EDARADD: variants seen among roughly 807,000 people sequenced by gnomAD.
EDARADD encodes EDAR associated via death domain.
EDARADD carries 20 observed loss-of-function variants against 25.6 expected under a neutral mutation model. The ratio of observed to expected loss-of-function variants is 0.78; its 90% CI spans 0.55 to 1.14. The LOEUF (loss-of-function observed/expected upper bound fraction) is 1.14, where lower values mean the gene tolerates loss of function less well. Among genes scored for constraint, EDARADD ranks in the 50% most tolerant of loss-of-function variants. EDARADD has a pLI of 0.00. For synonymous variants in EDARADD, 86 were observed against 94.4 expected (o/e 0.91, Z 0.52); for missense variants, 225 against 270.1 (o/e 0.83, Z 1.17).
chr1:236,396,247 G>A (rs1667513716), intron 1 of EDARADD, among the ~76,000 whole-genome samples: 1 of 152,106 alleles, frequency 6.6e-6, no homozygotes, highest in Non-Finnish European at 1.5e-5. Flanking sequence ...TTAAAATATT[G>A]TGTGTTGGTA....
At chr1:236,473,709 C>T (rs1190579532) in intron 5 of EDARADD, among the ~76,000 whole-genome samples, 2 of 152,116 alleles carry the variant, frequency 1.3e-5, no homozygotes, top group Non-Finnish European at 2.9e-5. Flanking sequence ...TGTTTGAACC[C>T]GGGAGGTGGA....
At chr1:236,457,536 A>G (rs1368067079) in intron 4 of EDARADD, among the ~76,000 whole-genome samples, 1 of 148,942 alleles carries the variant, frequency 6.7e-6, no homozygotes, top group African/African-American at 2.5e-5. Context: ...TAAAATAAAA[A>G]AAGGCCAGGC....
At position 236,478,135 on chromosome 1, in the gene EDARADD, G is replaced by A. The variant is rs77516897; in HGVS notation, c.266-4132G>A. On this transcript the variant is annotated intron_variant, in intron 5 of 5. Coordinates refer to ENST00000334232, the MANE Select transcript of EDARADD (RefSeq NM_145861.4). ...AAGAAAAGGAAAGAAAAAAAAATCC[G>A]TACTGTAAACTGGTAAAGGCTTTCT... Among the ~76,000 whole-genome samples, 85 of 151,954 alleles carry A rather than the reference G, an allele frequency of 5.6e-4. No homozygotes were observed. The East Asian group carries it at 0.014, about 24-fold the overall frequency.
rs141564970 is a variant in EDARADD, at chr1:236,477,831, G to A, written c.266-4436G>A. On this transcript the variant is annotated intron_variant, in intron 5 of 5. Coordinates refer to ENST00000334232, the MANE Select transcript of EDARADD (RefSeq NM_145861.4). ...TGACAAAGGTGAAATGACCGGGCGCGGTGGCTCACACCTGTAATCTCAGCA... is the reference window on the plus strand; with the variant it reads ...TGACAAAGGTGAAATGACCGGGCGCAGTGGCTCACACCTGTAATCTCAGCA... 1.7e-4 allele frequency among the ~76,000 whole-genome samples: 26 copies of A among 152,258 alleles called. No homozygotes were observed. In the East Asian group the frequency reaches 4.6e-3, roughly 27 times the overall value.
chr1:236,388,007 A>AT lies in EDARADD; in HGVS notation c.-5-21207dup, dbSNP rs1217035767. 2.1e-5 allele frequency among the ~76,000 whole-genome samples: 3 copies of AT among 140,926 alleles called. 1 individual carries two copies. The highest frequency in any genetic ancestry group is 3.1e-5 in the Non-Finnish European group (2 of 65,076). The allele number at this position is 140,926 out of a possible 152,430, so 92.5% of individuals were successfully genotyped here. A position where few individuals can be genotyped will look rare whatever the true frequency, so the allele number is the denominator to read the frequency against. ...CCAAGAATTATCAATAAAAAAATAA[A>AT]TTAAAAAAAAAAATAATAATAATAA... On this transcript the variant is annotated intron_variant, in intron 3 of 7. Coordinates refer to the EDARADD transcript ENST00000439430.
intron 4 of EDARADD, among the ~76,000 whole-genome samples, chr1:236,431,289 A>G (rs972276612): frequency 2.6e-5 from 4 of 152,106 alleles, no homozygotes; most frequent in Admixed American, 6.6e-5. Flanking sequence ...ATAGTGTCCT[A>G]GTGTCAAAAA....
At chr1:236,455,769 C>T (rs775769049) in intron 4 of EDARADD, among the ~76,000 whole-genome samples, 14 of 151,668 alleles carry the variant, frequency 9.2e-5, no homozygotes, top group Middle Eastern at 6.8e-3. Context: ...CTCAAGGGGT[C>T]GGTTGCACTG....
chr1:236,417,185 G>A (rs926092742), intron 3 of EDARADD, among the ~76,000 whole-genome samples: 43 of 152,248 alleles, frequency 2.8e-4, no homozygotes, highest in Non-Finnish European at 3.8e-4. Context: ...GTGAATTAAC[G>A]AAGAGACTGA....
intron 4 of EDARADD, among the ~76,000 whole-genome samples, chr1:236,434,843 C>T (rs1336433212): frequency 6.6e-6 from 1 of 152,102 alleles, no homozygotes; most frequent in Non-Finnish European, 1.5e-5. Context: ...ATCTGGGATC[C>T]TAAGGGGACT....
chr1:236,405,725 TTTTCTTTCTTTCTTTCTTTCTTTCTTTC>T (rs1227603633), intron 1 of EDARADD, among the ~76,000 whole-genome samples: 16 of 120,436 alleles, frequency 1.3e-4, no homozygotes, highest in African/African-American at 4.1e-4. Context: ...CTTCCTTTCT[TTTTCTTTCTTTCTTTCTTTCTTTCTTTC>T]TTTCTTTCTT....
At chr1:236,414,699 C>T (rs561109768) in intron 3 of EDARADD, among the ~76,000 whole-genome samples, 6 of 152,020 alleles carry the variant, frequency 3.9e-5, no homozygotes, top group African/African-American at 9.6e-5. Flanking sequence ...TTTGGGAGGC[C>T]GAGGCAGGTG....
rs555563983 is a variant in EDARADD at position 236,465,503 on chromosome 1, G to A, written c.220-2728G>A. ...TCCCCACTGCCCAGATTTCAGCAGG[G>A]TCCATCTCAAACATGTCTGTCTCCA... On this transcript the variant is annotated intron_variant, in intron 4 of 5. Coordinates refer to ENST00000334232, the MANE Select transcript of EDARADD (RefSeq NM_145861.4). Among the ~76,000 whole-genome samples the A allele has an allele frequency of 1.6e-4, 25 of 152,160 alleles. No individual in the cohort carries two copies. In the Middle Eastern group the frequency reaches 0.01, roughly 62 times the overall value.
intron 3 of EDARADD, among the ~76,000 whole-genome samples, chr1:236,383,173 T>G (rs1338341923): frequency 2.0e-5 from 3 of 152,020 alleles, no homozygotes; most frequent in Non-Finnish European, 2.9e-5. Context: ...GATGGACATA[T>G]CACCTGAGGT....
At chr1:236,452,407 T>C (rs939438698) in intron 4 of EDARADD, among the ~76,000 whole-genome samples, 64 of 152,168 alleles carry the variant, frequency 4.2e-4, no homozygotes, top group Non-Finnish European at 5.0e-4. Flanking sequence ...TGGGAGGTGA[T>C]TGGATCACGG....
intron 4 of EDARADD, among the ~76,000 whole-genome samples, chr1:236,433,778 G>A (rs1382768598): frequency 6.6e-6 from 1 of 151,760 alleles, no homozygotes; most frequent in Non-Finnish European, 1.5e-5. Context: ...GCTGAGGCAG[G>A]ATAATTGCTT....
intron 3 of EDARADD, among the ~76,000 whole-genome samples, chr1:236,366,060 A>G (rs1667109950): frequency 6.6e-6 from 1 of 152,236 alleles, no homozygotes; most frequent in African/African-American, 2.4e-5. Context: ...AATGTAACAG[A>G]TATAACGCTA....
chr1:236,384,597 C>T (rs996973572), intron 3 of EDARADD, among the ~76,000 whole-genome samples: 1 of 151,948 alleles, frequency 6.6e-6, no homozygotes, highest in African/African-American at 2.4e-5. Flanking sequence ...TGTGTATTGC[C>T]TAGGCTGGTC....
At chr1:236,413,225 A>G (rs1328712293) in intron 2 of EDARADD, among the ~76,000 whole-genome samples, 2 of 152,248 alleles carry the variant, frequency 1.3e-5, no homozygotes, top group African/African-American at 4.8e-5. Context: ...TCTTGGGAGT[A>G]GAATGATGAG....
chr1:236,390,274 G>T (rs980910187), upstream of EDARADD, among the ~76,000 whole-genome samples: 2 of 152,158 alleles, frequency 1.3e-5, no homozygotes, highest in African/African-American at 4.8e-5. Context: ...ACTTACTCAT[G>T]GCCGGGCGTG....
Sources: gnomAD v4.1 joint callset for allele counts (sites outside exome capture counted in the v4.1 genomes callset) on GRCh38, gnomAD v4.1.1 for gene constraint, MANE v1.5 for transcripts, NCBI Gene and HGNC (gene_info 2026-07-23, HGNC 2026-07-21) for gene names.